Variants in AGXT2 observed in about 807,000 individuals in gnomAD.
AGXT2 encodes the protein alanine--glyoxylate aminotransferase 2.
In AGXT2, 61 loss-of-function variants were observed where a neutral mutation model predicts 62.5. The ratio of observed to expected loss-of-function variants is 0.98; its 90% CI spans 0.79 to 1.21. The LOEUF (loss-of-function observed/expected upper bound fraction) is 1.21, where lower values mean the gene tolerates loss of function less well. Among genes scored for constraint, AGXT2 ranks in the 50% most tolerant of loss-of-function variants. The pLI, the probability that AGXT2 is intolerant of heterozygous loss-of-function variation, is 0.00. For synonymous variants in AGXT2, 243 were observed against 218.7 expected (o/e 1.11, Z -0.98); for missense variants, 666 against 641.5 (o/e 1.04, Z -0.41).
At chr5:35,047,343 T>C (rs541725356) in intron 1 of AGXT2, among the ~76,000 whole-genome samples, 15 of 152,212 alleles carry the variant, frequency 9.9e-5, no homozygotes, top group Non-Finnish European at 2.1e-4. Context: ...CTCAGGAGGC[T>C]GAGGTGGGAG....
rs541853204 is a variant in AGXT2, at chr5:35,037,435, T to C, written c.363-370A>G. Among the ~76,000 whole-genome samples the C allele has an allele frequency of 2.6e-4, 39 of 152,182 alleles. 1 individual carries two copies. The South Asian group carries it at 8.1e-3, about 32-fold the overall frequency. Reference sequence around the variant, plus strand: ...GATGACTAGTTGTAAGCCTGAGTTCTTTCCATTTTATTTTTCTAAAGAAGA... The same window carrying C: ...GATGACTAGTTGTAAGCCTGAGTTCCTTCCATTTTATTTTTCTAAAGAAGA... On this transcript the variant is annotated intron_variant, in intron 3 of 13. Coordinates refer to ENST00000231420, the MANE Select transcript of AGXT2 (RefSeq NM_031900.4).
chr5:35,005,285 G>A (rs754937105), intron 12 of AGXT2, among the ~76,000 whole-genome samples: 1 of 152,138 alleles, frequency 6.6e-6, no homozygotes, highest in South Asian at 2.1e-4. Context: ...CTGCAGTGCA[G>A]TGGTGCAATC....
At chr5:35,022,605 G>A (rs1241850902) in intron 9 of AGXT2, among the ~76,000 whole-genome samples, 5 of 150,740 alleles carry the variant, frequency 3.3e-5, no homozygotes, top group Non-Finnish European at 7.4e-5. Context: ...GATAGCATTG[G>A]GACATATGCC....
At chr5:35,011,784 G>GA (rs199599127) in intron 11 of AGXT2, among the ~76,000 whole-genome samples, 2 of 151,074 alleles carry the variant, frequency 1.3e-5, no homozygotes, top group African/African-American at 2.4e-5. Flanking sequence ...CTACTCAAAG[G>GA]AAAAAAAAGC....
At chr5:35,036,099 A>G (rs1042407234) in intron 4 of AGXT2, among the ~76,000 whole-genome samples, 7 of 150,558 alleles carry the variant, frequency 4.6e-5, no homozygotes, top group Non-Finnish European at 1.0e-4. Flanking sequence ...AAAAGCAAGT[A>G]AACAAAAAAT....
At chr5:35,021,480 C>A (rs1444259074) in intron 9 of AGXT2, among the ~76,000 whole-genome samples, 4 of 150,298 alleles carry the variant, frequency 2.7e-5, no homozygotes, top group Non-Finnish European at 4.4e-5. Flanking sequence ...GGAAAGGATT[C>A]CCTATTTAAT....
chr5:35,025,776 CA>C lies in AGXT2; in HGVS notation c.949del (p.Cys317AlafsTer46). The stretch of plus-strand genomic sequence containing the variant: ...CATGCCACTTACTTCATCTGCAATG[CA>C]CACGCCTCCCCTTGCTCGCACCAGC... ...FELVRARGGV[C>X]IADEVQTGFG... On this transcript the variant is annotated frameshift_variant, in exon 9 of 14. Transcript: ENST00000231420. LOFTEE classifies it high-confidence loss of function. 6.2e-7 allele frequency: 1 copy of C among 1,614,132 alleles called. No homozygotes were observed. Among genetic ancestry groups the C allele is most frequent in the Non-Finnish European group, 8.5e-7 (1 of 1,179,990 alleles).
chr5:35,035,255 G>T lies in AGXT2; in HGVS notation c.548C>A (p.Ala183Glu), dbSNP rs201921000. Residue 183 changes from alanine to glutamate, a missense_variant, in exon 5 of 14, where the codon GCG (alanine) becomes GAG (glutamate). By Grantham distance (107) the Ala-to-Glu change is moderately radical. Transcript: ENST00000231420. ...ANELAMLMAR[A>E]HSNNIDIISF... is the part of the protein sequence containing the mutation. ...AATGATGTCTATGTTGTTTGAGTGC[G>T]CCCTGGCCATCAGCATGGCCAGCTC... 1.9e-6 allele frequency: 3 copies of T among 1,614,012 alleles called. No individual in the cohort carries two copies. Among genetic ancestry groups the T allele is most frequent in the South Asian group, 1.1e-5 (1 of 91,060 alleles).
At chr5:35,005,280 G>C (rs1300961990) in intron 12 of AGXT2, among the ~76,000 whole-genome samples, 2 of 152,280 alleles carry the variant, frequency 1.3e-5, no homozygotes, top group East Asian at 3.9e-4. Flanking sequence ...CCAGGCTGCA[G>C]TGCAGTGGTG....
intron 10 of AGXT2, among the ~76,000 whole-genome samples, chr5:35,013,653 G>A (rs1040713375): frequency 4.6e-5 from 7 of 152,080 alleles, no homozygotes; most frequent in South Asian, 2.1e-4. Flanking sequence ...GTGGTGGTGC[G>A]CACCTGTAAT....
At chr5:35,037,263 C>G (rs1382118663) in intron 3 of AGXT2, among the ~76,000 whole-genome samples, 198 bp from the exon 4 acceptor site, 1 of 152,138 alleles carries the variant, frequency 6.6e-6, no homozygotes, top group African/African-American at 2.4e-5. Context: ...GTAATGAATT[C>G]CTCTCCAAGA....
chr5:35,047,862 G>A lies in AGXT2; in HGVS notation c.31C>T (p.Pro11Ser). 1 of 1,614,076 alleles carries A rather than the reference G, an allele frequency of 6.2e-7. No homozygotes were observed. The highest frequency in any genetic ancestry group is 8.5e-7 in the Non-Finnish European group (1 of 1,179,990). MTLIWRHLLR[P>S]LCLVTSAPRI... ...GGAGCGGAAGTGACCAGGCACAAGG[G>A]TCTCAGCAAATGTCTCCAGATTAGA... is the stretch of plus-strand genomic sequence containing the variant. The change falls in exon 1 of 14, where the codon CCC becomes TCC. Residue 11 changes from proline (P) to serine (S), a missense_variant. Physicochemically the swap from Pro to Ser is moderately conservative, Grantham distance 74. Coordinates refer to ENST00000231420, the MANE Select transcript of AGXT2 (RefSeq NM_031900.4).
At chr5:35,032,671 C>T (rs1262048403) in intron 7 of AGXT2, 61 bp downstream of exon 7, 4 of 1,421,092 alleles carry the variant, frequency 2.8e-6, no homozygotes, top group Non-Finnish European at 3.9e-6. Context: ...ATGGGTCTGC[C>T]TTTATTCGTG....
chr5:34,998,476 A>G lies in AGXT2; in HGVS notation c.*243T>C. The stretch of plus-strand genomic sequence containing the variant: ...GGGGAATCAAATTACCATACCTAAC[A>G]TAAACTAATTAGGATTTATTCTCTG... On this transcript the variant is annotated 3_prime_UTR_variant, in exon 14 of 14. Transcript: ENST00000231420. The G allele has an allele frequency of 1.8e-6, 1 of 567,658 alleles. No homozygotes were observed. Among genetic ancestry groups the G allele is most frequent in the South Asian group, 2.1e-5 (1 of 48,286 alleles). 35.2% of individuals were successfully genotyped at this position (567,658 alleles called of 1,614,324 possible).
At chr5:35,044,349 C>T (rs549017194) in intron 1 of AGXT2, among the ~76,000 whole-genome samples, 1 of 152,310 alleles carries the variant, frequency 6.6e-6, no homozygotes, top group East Asian at 1.9e-4. Context: ...TTTCTCTTCA[C>T]ACATGGGGCC....
chr5:35,008,059 C>A (rs528277098), intron 12 of AGXT2, among the ~76,000 whole-genome samples: 1 of 152,270 alleles, frequency 6.6e-6, no homozygotes, highest in African/African-American at 2.4e-5. Flanking sequence ...GATGCAGATG[C>A]TGGTGTCATG....
Position 34,998,570 on chromosome 5 carries a change from T to C in AGXT2, c.*149A>G. 1 of 675,146 alleles carries C rather than the reference T, an allele frequency of 1.5e-6. No individual in the cohort carries two copies. Among genetic ancestry groups the C allele is most frequent in the Non-Finnish European group, 2.6e-6 (1 of 379,858 alleles). 41.8% of individuals were successfully genotyped at this position (675,146 alleles called of 1,614,324 possible). A position where few individuals can be genotyped will look rare whatever the true frequency, so the allele number is the denominator to read the frequency against. On this transcript the variant is annotated 3_prime_UTR_variant, in exon 14 of 14. Coordinates refer to ENST00000231420, the MANE Select transcript of AGXT2 (RefSeq NM_031900.4). ...AGAGGGGCTCTGCTAACAAATATGG[T>C]TGGTAGGCAGTCAACCATGACTTTT... is the stretch of plus-strand genomic sequence containing the variant.
chr5:35,047,178 C>T (rs144693328), intron 1 of AGXT2, among the ~76,000 whole-genome samples: 2 of 152,322 alleles, frequency 1.3e-5, no homozygotes, highest in East Asian at 3.9e-4. Flanking sequence ...ATGGCTTAGG[C>T]CTGCAATCCG....
chr5:35,018,019 G>C (rs1426338422), intron 9 of AGXT2, among the ~76,000 whole-genome samples: 1 of 152,230 alleles, frequency 6.6e-6, no homozygotes, highest in East Asian at 1.9e-4. Context: ...GGGAAGTTTA[G>C]AGAAAAAAGA....
Sources: gnomAD v4.1 joint callset for allele counts (sites outside exome capture counted in the v4.1 genomes callset) on GRCh38, gnomAD v4.1.1 for gene constraint, MANE v1.5 for transcripts, NCBI Gene and HGNC (gene_info 2026-07-23, HGNC 2026-07-21) for gene names.